The following CDH9 variants were observed in gnomAD, a reference collection of about 807,000 sequenced individuals.
CDH9 encodes cadherin 9.
A neutral mutation model predicts 70.9 loss-of-function variants in CDH9; 28 were observed. The ratio of observed to expected loss-of-function variants is 0.40; its 90% CI spans 0.29 to 0.54. The LOEUF is 0.54. Among genes scored for constraint, CDH9 ranks in the 20% least tolerant of loss-of-function variants. CDH9 has a pLI of 0.59. For missense variants in CDH9, 874 were observed against 984.4 expected (o/e 0.89, Z 1.50); for synonymous variants, 409 against 343.1 (o/e 1.19, Z -2.12).
intron 1 of CDH9, among the ~76,000 whole-genome samples, chr5:26,997,890 G>C (rs996101191): frequency 6.6e-6 from 1 of 152,074 alleles, no homozygotes; most frequent in Admixed American, 6.6e-5. Context: ...AGTAGAGAAG[G>C]TGTTTCACCA....
At chr5:26,926,652 A>G (rs1413621479) in intron 2 of CDH9, among the ~76,000 whole-genome samples, 1 of 152,114 alleles carries the variant, frequency 6.6e-6, no homozygotes, top group Non-Finnish European at 1.5e-5. Flanking sequence ...TCCTAAGAAA[A>G]TAGGACAAAG....
chr5:26,994,840 G>A (rs373794148), intron 1 of CDH9, among the ~76,000 whole-genome samples: 4 of 152,076 alleles, frequency 2.6e-5, no homozygotes, highest in East Asian at 1.9e-4. Flanking sequence ...CCCAATTCAC[G>A]GACTTCTTGC....
At chr5:26,907,884 C>T (rs1740977645) in intron 3 of CDH9, among the ~76,000 whole-genome samples, 2 of 152,040 alleles carry the variant, frequency 1.3e-5, no homozygotes, top group African/African-American at 4.8e-5. Context: ...GCCCTACCAC[C>T]TAATTTAATA....
At chr5:26,933,724 G>A (rs1489286729) in intron 2 of CDH9, among the ~76,000 whole-genome samples, 1 of 151,652 alleles carries the variant, frequency 6.6e-6, no homozygotes, top group Non-Finnish European at 1.5e-5. Context: ...AGGTTGCAGT[G>A]AGCTGAGATC....
intron 1 of CDH9, among the ~76,000 whole-genome samples, chr5:27,025,379 G>T (rs575473022): frequency 1.3e-5 from 2 of 152,104 alleles, no homozygotes; most frequent in African/African-American, 4.8e-5. Context: ...ATACAGATAT[G>T]GTACGGAAAA....
chr5:26,935,678 C>A lies in CDH9; in HGVS notation c.229-19754G>T, dbSNP rs1741546072. Among the ~76,000 whole-genome samples the A allele has an allele frequency of 2.0e-5, 3 of 152,120 alleles. No homozygotes were observed. In the South Asian group the frequency reaches 6.2e-4, roughly 31 times the overall value. ...GAGGGAATGTAAACCAGTACAACCA[C>A]TATGGAAAACAGTATGAAGATCCCT... On this transcript the variant is annotated intron_variant, in intron 2 of 11. Transcript: ENST00000231021.
Position 27,005,230 on chromosome 5 carries a change from A to T in CDH9, c.-49-16848T>A, listed in dbSNP as rs184911791. On this transcript the variant is annotated intron_variant, in intron 1 of 11. Transcript: ENST00000231021. ...TTTTTAAAATTATGTACAGTATTTG[A>T]TTAACTCAAATTCTAGAAAGTTTCT... is the stretch of plus-strand genomic sequence containing the variant. Among the ~76,000 whole-genome samples, 5 of 152,264 alleles carry T rather than the reference A, an allele frequency of 3.3e-5. No individual in the cohort carries two copies. In the East Asian group the frequency reaches 9.6e-4, roughly 29 times the overall value.
At chr5:26,989,408 GA>G (rs1290828718) in intron 1 of CDH9, among the ~76,000 whole-genome samples, 1 of 151,860 alleles carries the variant, frequency 6.6e-6, no homozygotes, top group Admixed American at 6.6e-5. Flanking sequence ...ATTAAGTGTG[GA>G]AAAGAAAATA....
At chr5:26,930,153 C>T (rs1741416945) in intron 2 of CDH9, among the ~76,000 whole-genome samples, 1 of 151,902 alleles carries the variant, frequency 6.6e-6, no homozygotes, top group African/African-American at 2.4e-5. Context: ...ATAAAAAATT[C>T]AAAATAATTA....
At chr5:26,898,697 A>C (rs992017513) in intron 7 of CDH9, among the ~76,000 whole-genome samples, 2 of 152,226 alleles carry the variant, frequency 1.3e-5, no homozygotes, top group African/African-American at 4.8e-5. Context: ...CATAAACGTA[A>C]GACCTAAAAC....
intron 7 of CDH9, among the ~76,000 whole-genome samples, chr5:26,895,701 T>G (rs1396103651): frequency 1.3e-5 from 2 of 152,018 alleles, no homozygotes; most frequent in Admixed American, 1.3e-4. Context: ...AACCATAATC[T>G]CATGTTGCAA....
intron 8 of CDH9, 73 bp from the exon 9 acceptor site, chr5:26,890,030 C>G: frequency 7.3e-7 from 1 of 1,378,496 alleles, no homozygotes; most frequent in Non-Finnish European, 1.0e-6. Context: ...CCATTTGTAG[C>G]TTAGCAACAG....
chr5:26,943,542 T>A (rs926239700), intron 2 of CDH9, among the ~76,000 whole-genome samples: 2 of 148,302 alleles, frequency 1.3e-5, no homozygotes, highest in Non-Finnish European at 3.0e-5. Context: ...AACTCAGGAA[T>A]CTCATGAGGC....
intron 2 of CDH9, among the ~76,000 whole-genome samples, chr5:26,918,294 C>T (rs1037106997): frequency 6.6e-6 from 1 of 152,124 alleles, no homozygotes; most frequent in Non-Finnish European, 1.5e-5. Flanking sequence ...ACAATTTCCT[C>T]CTTAGGGAGG....
intron 2 of CDH9, among the ~76,000 whole-genome samples, chr5:26,938,987 A>G (rs574917154): frequency 5.3e-5 from 8 of 152,220 alleles, no homozygotes; most frequent in South Asian, 2.1e-4. Flanking sequence ...AGTAACAACA[A>G]CAATTTAAAA....
intron 7 of CDH9, among the ~76,000 whole-genome samples, chr5:26,896,605 A>C (rs923335146): frequency 1.3e-5 from 2 of 151,726 alleles, no homozygotes; most frequent in African/African-American, 4.8e-5. Context: ...GAAATAAATA[A>C]GTTATTTGAA....
intron 3 of CDH9, among the ~76,000 whole-genome samples, chr5:26,914,372 C>T (rs186330563): frequency 2.0e-5 from 3 of 151,660 alleles, no homozygotes; most frequent in Non-Finnish European, 4.4e-5. Flanking sequence ...TTTAAATTAG[C>T]GCACTGGTCG....
At chr5:26,990,161 T>C (rs1228636423) in intron 1 of CDH9, among the ~76,000 whole-genome samples, 1 of 152,140 alleles carries the variant, frequency 6.6e-6, no homozygotes, top group Non-Finnish European at 1.5e-5. Context: ...ACCATCATCA[T>C]TATCATTGTC....
chr5:26,896,381 G>A (rs1285534045), intron 7 of CDH9, among the ~76,000 whole-genome samples: 1 of 151,350 alleles, frequency 6.6e-6, no homozygotes, highest in Admixed American at 6.6e-5. Context: ...TACACACCAA[G>A]TATATGTGTG....
Sources: allele counts gnomAD v4.1 joint callset (sites outside exome capture counted in the v4.1 genomes callset), GRCh38; gene constraint gnomAD v4.1.1; transcripts MANE v1.5; gene names NCBI Gene and HGNC (gene_info 2026-07-23, HGNC 2026-07-21).